Variants in NEK7 observed in about 807,000 individuals in gnomAD.
NEK7 encodes NIMA related kinase 7.
In NEK7, 18 loss-of-function variants were observed where a neutral mutation model predicts 44.6. The observed-to-expected ratio is 0.40, with a 90% CI of 0.28 to 0.60. The LOEUF (loss-of-function observed/expected upper bound fraction) is 0.60, where lower values mean the gene tolerates loss of function less well. Among genes scored for constraint, NEK7 ranks in the 20% least tolerant of loss-of-function variants. NEK7 has a pLI of 0.38. For synonymous variants in NEK7, 130 were observed against 121.1 expected (o/e 1.07, Z -0.48); for missense variants, 256 against 366.5 (o/e 0.70, Z 2.46).
At position 198,310,755 on chromosome 1, in the gene NEK7, G is replaced by A. The variant is rs190736581; in HGVS notation, c.799-8657G>A. Among the ~76,000 whole-genome samples the A allele has an allele frequency of 2.0e-3, 310 of 151,866 alleles. 6 individuals carry two copies. Among genetic ancestry groups the A allele is most frequent in the Non-Finnish European group, 8.2e-4 (56 of 67,886 alleles). On this transcript the variant is annotated intron_variant, in intron 9 of 9. Transcript: ENST00000367385. ...TTTGTCAAAGATCAGATGTAGATAC[G>A]TGGCATTATTTCTGAGGGCTCTGTT...
intron 9 of NEK7, among the ~76,000 whole-genome samples, chr1:198,313,313 T>A (rs1462896478): frequency 2.0e-5 from 3 of 151,788 alleles, no homozygotes; most frequent in Admixed American, 6.6e-5. Flanking sequence ...TCCATCCTTT[T>A]ATTTTGAGCC....
chr1:198,314,526 C>A (rs955869320), intron 9 of NEK7, among the ~76,000 whole-genome samples: 5 of 152,128 alleles, frequency 3.3e-5, no homozygotes, highest in Non-Finnish European at 5.9e-5. Flanking sequence ...TTAGAGTTTC[C>A]AGTTTTTCTG....
chr1:198,296,618 A>T (rs181126737), intron 8 of NEK7, among the ~76,000 whole-genome samples: 1 of 152,196 alleles, frequency 6.6e-6, no homozygotes, highest in Non-Finnish European at 1.5e-5. Context: ...TTGCATTTAA[A>T]TTGAAAAGAC....
rs541664152 is a variant in NEK7, at chr1:198,316,567, A to G, written c.799-2845A>G. On this transcript the variant is annotated intron_variant, in intron 9 of 9. Coordinates refer to ENST00000367385, the MANE Select transcript of NEK7 (RefSeq NM_133494.3). ...TTAATCTTTTACCTTTATCTCACAG[A>G]TATCTCTTGAGATACCTATCACTTT... Among the ~76,000 whole-genome samples the G allele has an allele frequency of 2.0e-5, 3 of 152,312 alleles. No individual in the cohort carries two copies. The East Asian group carries it at 5.8e-4, about 29-fold the overall frequency.
chr1:198,241,916 T>C (rs1413698462), intron 2 of NEK7, among the ~76,000 whole-genome samples: 6 of 152,178 alleles, frequency 3.9e-5, no homozygotes, highest in African/African-American at 1.4e-4. Context: ...TTGGCCCACA[T>C]TTCTCTACCC....
chr1:198,304,194 A>T (rs1237145677), intron 9 of NEK7, among the ~76,000 whole-genome samples: 1 of 152,180 alleles, frequency 6.6e-6, no homozygotes, highest in Admixed American at 6.5e-5. Context: ...GATCCTACAA[A>T]ATCATGTAAC....
intron 2 of NEK7, among the ~76,000 whole-genome samples, chr1:198,243,287 A>T (rs1457353356): frequency 6.6e-6 from 1 of 152,196 alleles, no homozygotes; most frequent in East Asian, 1.9e-4. Flanking sequence ...TGCAGAATAA[A>T]TATTAGATAT....
At chr1:198,194,523 T>C (rs1182393516) in intron 1 of NEK7, among the ~76,000 whole-genome samples, 1 of 121,440 alleles carries the variant, frequency 8.2e-6, no homozygotes, top group South Asian at 2.6e-4. Flanking sequence ...TGTGTCCATG[T>C]GATCTCATCA....
chr1:198,251,322 T>C (rs1210423371), intron 2 of NEK7, among the ~76,000 whole-genome samples: 4 of 149,794 alleles, frequency 2.7e-5, no homozygotes, highest in Non-Finnish European at 4.4e-5. Flanking sequence ...ATCAAGGATA[T>C]TGGTCTAAAA....
chr1:198,225,662 A>G lies in NEK7; in HGVS notation c.-28-6891A>G, dbSNP rs888278607. Among the ~76,000 whole-genome samples, 14 of 152,148 alleles carry G rather than the reference A, an allele frequency of 9.2e-5. No individual in the cohort carries two copies. The East Asian group carries it at 1.9e-3, about 21-fold the overall frequency. On this transcript the variant is annotated intron_variant, in intron 1 of 9. Coordinates refer to ENST00000367385, the MANE Select transcript of NEK7 (RefSeq NM_133494.3). The stretch of plus-strand genomic sequence containing the variant: ...ATTAATCTTTTGCTACTAACTCCCC[A>G]CCCACCGTCTCCCACAACTCACCAA...
intron 2 of NEK7, among the ~76,000 whole-genome samples, chr1:198,241,589 G>A (rs75999336): frequency 1.5e-3 from 232 of 152,318 alleles, no homozygotes; most frequent in African/African-American, 5.4e-3. Flanking sequence ...AGCATTTATG[G>A]AGAGGAATAT....
At chr1:198,285,065 G>C (rs1357325958) in intron 7 of NEK7, among the ~76,000 whole-genome samples, 2 of 152,062 alleles carry the variant, frequency 1.3e-5, no homozygotes, top group Non-Finnish European at 2.9e-5. Flanking sequence ...TCCACCCCTA[G>C]AACTCCTAAA....
At chr1:198,205,494 G>C (rs1456792166) in intron 1 of NEK7, among the ~76,000 whole-genome samples, 2 of 152,144 alleles carry the variant, frequency 1.3e-5, no homozygotes, top group Non-Finnish European at 2.9e-5. Context: ...AGCTCCATGG[G>C]TGATTCTGAT....
chr1:198,272,145 G>T (rs987083355), intron 5 of NEK7, among the ~76,000 whole-genome samples: 3 of 151,516 alleles, frequency 2.0e-5, no homozygotes, highest in Non-Finnish European at 1.5e-5. Flanking sequence ...ATAGAACTTA[G>T]AGATTTTAGG....
Position 198,310,130 on chromosome 1 carries a change from G to C in NEK7, c.799-9282G>C, listed in dbSNP as rs12086682. On this transcript the variant is annotated intron_variant, in intron 9 of 9. Transcript: ENST00000367385. Reference sequence around the variant, plus strand: ...GTTGTTTCCTGACTTTTTAATGATTGCCATTCTAACTGGTGTGAATTGGTA... The same window carrying C: ...GTTGTTTCCTGACTTTTTAATGATTCCCATTCTAACTGGTGTGAATTGGTA... Among the ~76,000 whole-genome samples the C allele has an allele frequency of 7.4e-3, 1,126 of 152,160 alleles. 17 individuals are homozygous for C. Among genetic ancestry groups the C allele is most frequent in the African/African-American group, 0.026 (1,095 of 41,512 alleles).
intron 1 of NEK7, among the ~76,000 whole-genome samples, chr1:198,227,021 C>T (rs1416499039): frequency 1.3e-5 from 2 of 151,964 alleles, no homozygotes; most frequent in Admixed American, 1.3e-4. Flanking sequence ...CTCCCCCGCT[C>T]CCCCACCCCA....
At chr1:198,230,819 A>T (rs776045375) in intron 1 of NEK7, among the ~76,000 whole-genome samples, 1 of 152,040 alleles carries the variant, frequency 6.6e-6, no homozygotes, top group Admixed American at 6.6e-5. Flanking sequence ...CACCATTTAC[A>T]GTAGTATCAA....
At chr1:198,265,644 A>G (rs981765159) in intron 5 of NEK7, among the ~76,000 whole-genome samples, 3 of 152,080 alleles carry the variant, frequency 2.0e-5, no homozygotes, top group Non-Finnish European at 4.4e-5. Context: ...GTTATTAATC[A>G]ATTGTTATAG....
At chr1:198,311,184 T>G (rs374674486) in intron 9 of NEK7, among the ~76,000 whole-genome samples, 13,601 of 144,364 alleles carry the variant, frequency 0.094, 919 homozygotes, top group South Asian at 0.24. Context: ...CTAGGTATTT[T>G]ATTCTCTTTG....
Sources: gnomAD v4.1 joint callset for allele counts (sites outside exome capture counted in the v4.1 genomes callset) on GRCh38, gnomAD v4.1.1 for gene constraint, MANE v1.5 for transcripts, NCBI Gene and HGNC (gene_info 2026-07-23, HGNC 2026-07-21) for gene names.